Variants in PARVB observed in about 807,000 individuals in gnomAD.
PARVB encodes beta-parvin.
In PARVB, 46 loss-of-function variants were observed where a neutral mutation model predicts 47.0. The observed-to-expected ratio is 0.98, with a 90% CI of 0.77 to 1.25. The LOEUF (loss-of-function observed/expected upper bound fraction) is 1.25. PARVB is among the 50% of genes most tolerant of loss of function. The pLI, the probability that PARVB is intolerant of heterozygous loss-of-function variation, is 0.00. For synonymous variants in PARVB, 196 were observed against 196.3 expected, an observed-to-expected ratio of 1.00 and a Z score of 0.01; for missense variants, 473 against 471.6, an observed-to-expected ratio of 1.00 and a Z score of -0.03.
chr22:44,069,261 ATG>A (rs2051600634), intron 1 of PARVB: 4 of 1,114,382 alleles, frequency 3.6e-6, no homozygotes, highest in Non-Finnish European at 5.5e-6. Flanking sequence ...TTTTGCAAGA[ATG>A]GACCCTGGGT....
intron 4 of PARVB, among the ~76,000 whole-genome samples, chr22:44,129,506 A>G (rs973018680): frequency 1.3e-5 from 2 of 152,136 alleles, no homozygotes; most frequent in Non-Finnish European, 2.9e-5. Flanking sequence ...CAGGCTTCCC[A>G]TCTCCCTGGT....
chr22:44,058,936 C>G (rs2051366849), intron 1 of PARVB, among the ~76,000 whole-genome samples: 1 of 151,448 alleles, frequency 6.6e-6, no homozygotes, highest in Non-Finnish European at 1.5e-5. Context: ...GTTATGGTCA[C>G]TCAGTCACCC....
chr22:44,118,574 C>T (rs890615040), intron 3 of PARVB, among the ~76,000 whole-genome samples: 2 of 152,224 alleles, frequency 1.3e-5, no homozygotes, highest in Non-Finnish European at 2.9e-5. Context: ...GTCACCTTGA[C>T]TGTCTTGGGG....
At chr22:44,061,422 C>T (rs2051416687) in intron 1 of PARVB, among the ~76,000 whole-genome samples, 1 of 126,476 alleles carries the variant, frequency 7.9e-6, no homozygotes, top group Non-Finnish European at 1.6e-5. Context: ...CAGAGCAAGA[C>T]TTCATCTCAA....
At chr22:44,003,597 C>T (rs1053791530) in intron 2 of PARVB, among the ~76,000 whole-genome samples, 5 of 152,180 alleles carry the variant, frequency 3.3e-5, no homozygotes, top group Non-Finnish European at 5.9e-5. Flanking sequence ...TCTTTCCATT[C>T]CCACACTCCC....
intron 3 of PARVB, chr22:44,111,432 C>CTTTTTTTTTTTT (rs10527330): frequency 6.8e-5 from 4 of 59,234 alleles, no homozygotes; most frequent in African/African-American, 1.4e-4. Context: ...CCTGCAAAAC[C>CTTTTTTTTTTTT]TTTTTTTTTT....
At chr22:44,111,076 G>A (rs1483199553) in intron 3 of PARVB, 1 of 148,986 alleles carries the variant, frequency 6.7e-6, no homozygotes, top group African/African-American at 2.5e-5. Context: ...TTTTTTCCAT[G>A]TATGTCCCTT....
intron 1 of PARVB, among the ~76,000 whole-genome samples, chr22:44,084,600 C>T (rs977117040): frequency 2.0e-5 from 3 of 152,230 alleles, no homozygotes; most frequent in African/African-American, 7.2e-5. Flanking sequence ...GTTCTTGGCA[C>T]AGACACTCAT....
At chr22:44,095,729 T>C (rs2052288811) in intron 2 of PARVB, among the ~76,000 whole-genome samples, 1 of 152,216 alleles carries the variant, frequency 6.6e-6, no homozygotes, top group Non-Finnish European at 1.5e-5. Context: ...TGGAACATTC[T>C]GCGTATTTCC....
At chr22:44,055,678 C>CTCTCTCTCTCTCTCTCTATATA (rs1438284048) in intron 1 of PARVB, among the ~76,000 whole-genome samples, 2 of 142,680 alleles carry the variant, frequency 1.4e-5, no homozygotes, top group African/African-American at 5.3e-5. Flanking sequence ...CTCTCTCTCT[C>CTCTCTCTCTCTCTCTCTATATA]TATATATATA....
intron 2 of PARVB, among the ~76,000 whole-genome samples, chr22:44,001,030 C>T (rs1238125830): frequency 6.6e-6 from 1 of 152,228 alleles, no homozygotes; most frequent in African/African-American, 2.4e-5. Context: ...GGGCGGATCA[C>T]CTGAGGTCAG....
chr22:44,070,286 C>T (rs1397994633), intron 1 of PARVB, among the ~76,000 whole-genome samples: 1 of 152,198 alleles, frequency 6.6e-6, no homozygotes, highest in Admixed American at 6.5e-5. Flanking sequence ...AGTCAGTGCT[C>T]TCAACCTCAG....
intron 1 of PARVB, 41 bp from the exon 2 acceptor site, chr22:44,093,887 C>A: frequency 7.4e-7 from 1 of 1,346,050 alleles, no homozygotes; most frequent in Non-Finnish European, 1.1e-6. Context: ...CACGGCACTC[C>A]GTGTATACTA....
chr22:44,045,799 G>C (rs1024071107), intron 1 of PARVB, among the ~76,000 whole-genome samples: 7 of 152,190 alleles, frequency 4.6e-5, no homozygotes, highest in African/African-American at 1.7e-4. Flanking sequence ...CTTTATGTTA[G>C]TACTACACTG....
chr22:44,024,532 G>T, intron 1 of PARVB, 81 bp downstream of exon 1: 1 of 614,736 alleles, frequency 1.6e-6, no homozygotes, highest in Non-Finnish European at 2.1e-6. Flanking sequence ...CCACGAGGCC[G>T]CCCCCGCCCT....
intron 2 of PARVB, among the ~76,000 whole-genome samples, chr22:44,098,014 A>T (rs183320952): frequency 6.6e-6 from 1 of 152,240 alleles, no homozygotes; most frequent in Admixed American, 6.5e-5. Flanking sequence ...CAGAGCCTTC[A>T]GGAGGGAGCA....
intron 1 of PARVB, among the ~76,000 whole-genome samples, chr22:44,039,423 C>T (rs1266582155): frequency 6.6e-6 from 1 of 152,028 alleles, no homozygotes; most frequent in African/African-American, 2.4e-5. Flanking sequence ...TGCCTGTAAT[C>T]CCAGCTACTT....
intron 3 of PARVB, chr22:44,106,467 A>G (rs1252619193): frequency 2.0e-5 from 3 of 152,204 alleles, no homozygotes; most frequent in Non-Finnish European, 2.9e-5. Flanking sequence ...TTTGGTCCAG[A>G]AGCAGATGAT....
chr22:43,999,461 C>A (rs2050388725), intron 1 of PARVB: 1 of 1,572,730 alleles, frequency 6.4e-7, no homozygotes, highest in Non-Finnish European at 8.7e-7. Flanking sequence ...AGGTTGTACT[C>A]AGAAGTCCAA....
Sources: allele counts gnomAD v4.1 joint callset (sites outside exome capture counted in the v4.1 genomes callset), GRCh38; gene constraint gnomAD v4.1.1; transcripts MANE v1.5; gene names NCBI Gene and HGNC (gene_info 2026-07-23, HGNC 2026-07-21).